CHRNA4: variants seen among roughly 807,000 people sequenced by gnomAD.
CHRNA4 encodes cholinergic receptor nicotinic alpha 4 subunit, also known as neuronal acetylcholine receptor subunit alpha-4.
In CHRNA4, 28 loss-of-function variants were observed where a neutral mutation model predicts 48.9. That is an observed-to-expected ratio of 0.57 (90% CI 0.42 to 0.79). CHRNA4 has a LOEUF of 0.79. Ranked by LOEUF, CHRNA4 falls within the 30% of genes least tolerant of loss-of-function variation. The pLI is 0.00. For missense variants in CHRNA4, 859 were observed against 898.4 expected (o/e 0.96, Z 0.56); for synonymous variants, 425 against 402.3 (o/e 1.06, Z -0.68).
At position 63,351,015 on chromosome 20, in the gene CHRNA4, G is replaced by A. The variant is rs201977125; in HGVS notation, c.396C>T (p.Asp132=). Residue 132 remains aspartate (D), a synonymous_variant, in exon 5 of 6, where the codon GAC becomes GAT. Transcript: ENST00000370263. ...DIVLYNNADG[D]FAVTHLTKAH... The stretch of plus-strand genomic sequence containing the variant: ...CCTTGGTCAGGTGGGTGACCGCGAA[G>A]TCCCCGTCAGCACTGGGCAGGAAGA... 1.2e-5 allele frequency: 19 copies of A among 1,612,780 alleles called. No homozygotes were observed. The highest frequency in any genetic ancestry group is 1.6e-5 in the Non-Finnish European group (19 of 1,179,854).
intron 2 of CHRNA4, 105 bp from the exon 3 acceptor site, chr20:63,356,520 G>T: frequency 8.0e-7 from 1 of 1,244,186 alleles, no homozygotes; most frequent in Non-Finnish European, 1.2e-6. Context: ...GCCAGGGCAA[G>T]ATATGGTGGA....
At chr20:63,348,995 G>C (rs1230624728) in intron 5 of CHRNA4, among the ~76,000 whole-genome samples, 1 of 152,140 alleles carries the variant, frequency 6.6e-6, no homozygotes. Flanking sequence ...AGTGCCTGGC[G>C]CTGGAGGGTG....
At chr20:63,355,455 A>G (rs1425190612) in intron 4 of CHRNA4, 2 of 1,167,266 alleles carry the variant, frequency 1.7e-6, no homozygotes, top group South Asian at 2.5e-5. Flanking sequence ...CAGAGAAAGC[A>G]GAGGCCCTAG....
chr20:63,359,437 C>A (rs112338002), intron 2 of CHRNA4, 111 bp downstream of exon 2: 1 of 1,412,940 alleles, frequency 7.1e-7, no homozygotes, highest in Admixed American at 1.8e-5. Flanking sequence ...GGGCCGGACA[C>A]TCACAGCCAC....
rs750780084 is a variant in CHRNA4, at chr20:63,349,882, A to C, written c.1529T>G (p.Leu510Arg). The C allele has an allele frequency of 6.3e-7, 1 of 1,593,390 alleles. No homozygotes were observed. Among genetic ancestry groups the C allele is most frequent in the Non-Finnish European group, 8.6e-7 (1 of 1,168,382 alleles). The change falls in exon 5 of 6, where the codon CTG (leucine) becomes CGG (arginine). Residue 510 changes from leucine to arginine, a missense_variant. Transcript: ENST00000370263. ...PEADGQAAGA[L>R]ASRNTHSAEL... The stretch of plus-strand genomic sequence containing the variant: ...AGCCGAGTGGGTGTTGCGAGAGGCC[A>C]GGGCGCCGGCAGCCTGGCCATCTGC...
chr20:63,355,709 G>C (rs1443590120), intron 4 of CHRNA4: 5 of 856,886 alleles, frequency 5.8e-6, no homozygotes, highest in Non-Finnish European at 8.8e-6. Context: ...AGGCCCCTCC[G>C]GCTCTGACGC....
chr20:63,349,518 G>C, intron 5 of CHRNA4, 135 bp downstream of exon 5: 2 of 1,154,930 alleles, frequency 1.7e-6, no homozygotes, highest in South Asian at 2.5e-5. Context: ...GCTGCAGCAG[G>C]GGCCACGCCC....
chr20:63,360,513 G>C (rs1237360558), intron 1 of CHRNA4, among the ~76,000 whole-genome samples: 1 of 152,166 alleles, frequency 6.6e-6, no homozygotes, highest in African/African-American at 2.4e-5. Flanking sequence ...GGGCGGGTCT[G>C]GGCGGAGGGG....
At chr20:63,347,463 A>G (rs1055372136) in intron 5 of CHRNA4, among the ~76,000 whole-genome samples, 1 of 152,184 alleles carries the variant, frequency 6.6e-6, no homozygotes, top group Non-Finnish European at 1.5e-5. Context: ...GAACGGGGAC[A>G]GCGGGTTCCG....
In CHRNA4 at chr20:63,344,612, C is replaced by G. The variant is rs1174957088; in HGVS notation, c.*2126G>C. ...CAGTCACTCCTGACCCAGAAAAGAA[C>G]AACCACAGCTGGGCCCAGCACCCCG... On this transcript the variant is annotated 3_prime_UTR_variant, in exon 6 of 6. Transcript: ENST00000370263. The surrounding 1 kb of genome is among the most constrained non-coding windows in gnomAD (Gnocchi z 4.5). 1 of 453,528 alleles carries G rather than the reference C, an allele frequency of 2.2e-6. No homozygotes were observed. The highest frequency in any genetic ancestry group is 4.4e-6 in the Non-Finnish European group (1 of 226,530). 28.1% of individuals were successfully genotyped at this position (453,528 alleles called of 1,614,324 possible).
rs1480535098 is a variant in CHRNA4 at position 63,351,156 on chromosome 20, CCCACATCCACGTCCACG to C, written c.384-146_384-130del. 14 of 764,566 alleles carry C rather than the reference CCCACATCCACGTCCACG, an allele frequency of 1.8e-5. 1 individual carries two copies. The highest frequency in any genetic ancestry group is 3.5e-4 in the Middle Eastern group (1 of 2,840). 47.4% of individuals were successfully genotyped at this position (764,566 alleles called of 1,614,324 possible). Reference sequence around the variant, plus strand: ...ATCCACGCCCACATCCACGTCCACGCCCACATCCACGTCCACGCCCACATCCATGTCCCACGCCCACA... The same window carrying C: ...ATCCACGCCCACATCCACGTCCACGCCCCACATCCATGTCCCACGCCCACA... On this transcript the variant is annotated intron_variant, in intron 4 of 5. Coordinates refer to ENST00000370263, the MANE Select transcript of CHRNA4 (RefSeq NM_000744.7).
In CHRNA4 at chr20:63,344,115, C is replaced by T. The variant is rs924042595; in HGVS notation, c.*2623G>A. On this transcript the variant is annotated 3_prime_UTR_variant, in exon 6 of 6. Coordinates refer to ENST00000370263, the MANE Select transcript of CHRNA4 (RefSeq NM_000744.7). The surrounding 1 kb of genome is among the most constrained non-coding windows in gnomAD (Gnocchi z 4.5). Reference sequence around the variant, plus strand: ...TTTATTCAGACAGAAGAACACTGCTCACAATTAAAAACGAAGGAACAGACA... The same window carrying T: ...TTTATTCAGACAGAAGAACACTGCTTACAATTAAAAACGAAGGAACAGACA... The T allele has an allele frequency of 6.6e-6, 3 of 453,974 alleles. No individual in the cohort carries two copies. The highest frequency in any genetic ancestry group is 6.0e-5 in the African/African-American group (3 of 49,982). The allele number at this position is 453,974 out of a possible 1,614,324, so 28.1% of individuals were successfully genotyped here.
At chr20:63,347,964 G>C (rs1206044715) in intron 5 of CHRNA4, among the ~76,000 whole-genome samples, 1 of 152,236 alleles carries the variant, frequency 6.6e-6, no homozygotes. Context: ...ATAAAGTCCT[G>C]CCCAGGCCTC....
intron 1 of CHRNA4, among the ~76,000 whole-genome samples, chr20:63,360,755 G>C (rs1276465865): frequency 6.6e-6 from 1 of 152,354 alleles, no homozygotes. Flanking sequence ...GGGAAATTTA[G>C]CTGGATGGAT....
chr20:63,359,734 G>T (rs779216490), intron 1 of CHRNA4, 35 bp from the exon 2 acceptor site: 2 of 1,606,254 alleles, frequency 1.2e-6, no homozygotes. Context: ...CTCAGGTGCA[G>T]GCGGGACAGG....
intron 4 of CHRNA4, among the ~76,000 whole-genome samples, chr20:63,351,374 G>A (rs537479823): frequency 6.6e-6 from 1 of 152,346 alleles, no homozygotes; most frequent in East Asian, 1.9e-4. Flanking sequence ...TCCCTGAGCT[G>A]GGCGTAGCAC....
chr20:63,347,396 C>T (rs1472036826), intron 5 of CHRNA4, among the ~76,000 whole-genome samples: 2 of 152,212 alleles, frequency 1.3e-5, no homozygotes, highest in African/African-American at 2.4e-5. Flanking sequence ...TCGAGCCTCC[C>T]CTGGCCTGTC....
At position 63,356,439 on chromosome 20, in the gene CHRNA4, G is replaced by A. The variant is rs751087577; in HGVS notation, c.229-24C>T. The A allele has an allele frequency of 5.0e-6, 8 of 1,590,612 alleles. No individual in the cohort carries two copies. The East Asian group carries it at 1.6e-4, about 32-fold the overall frequency. ...TCCTAGGGCACCGAGAGAGGAAGGG[G>A]GCCAGTGACCCCTTGGTGTCTTTCT... On this transcript the variant is annotated intron_variant, in intron 2 of 5. Coordinates refer to ENST00000370263, the MANE Select transcript of CHRNA4 (RefSeq NM_000744.7).
At chr20:63,359,918 T>TGCCGGGC in intron 1 of CHRNA4, 7 of 396,736 alleles carry the variant, frequency 1.8e-5, no homozygotes, top group Admixed American at 5.4e-5. Flanking sequence ...TGTGTGTGTG[T>TGCCGGGC]GTGTGTGTGT....
Sources: gnomAD v4.1 joint callset for allele counts (sites outside exome capture counted in the v4.1 genomes callset) on GRCh38, gnomAD v4.1.1 for gene constraint, Gnocchi (gnomAD v3.1) non-coding constraint, MANE v1.5 for transcripts, NCBI Gene and HGNC (gene_info 2026-07-23, HGNC 2026-07-21) for gene names.